RLN1: variants seen among roughly 807,000 people sequenced by gnomAD.
RLN1 encodes the protein relaxin 1, also known as prorelaxin H1.
A neutral mutation model predicts 7.2 loss-of-function variants in RLN1; 4 were observed. That is an observed-to-expected ratio of 0.56 (90% CI 0.28 to 1.28). The LOEUF (loss-of-function observed/expected upper bound fraction) is 1.28. Ranked by LOEUF, RLN1 falls within the 50% of genes most tolerant of loss-of-function variation. RLN1 has a pLI of 0.11. For missense variants in RLN1, 293 were observed against 221.1 expected (o/e 1.32, Z -2.06); for synonymous variants, 105 against 86.0 (o/e 1.22, Z -1.22).
At chr9:5,337,364 T>C (rs1470666750) in intron 1 of RLN1, among the ~76,000 whole-genome samples, 1 of 152,090 alleles carries the variant, frequency 6.6e-6, no homozygotes, top group Non-Finnish European at 1.5e-5. Flanking sequence ...TTTAAACCTG[T>C]TTTGAAATAT....
rs185585292 is a variant in RLN1 at position 5,335,902 on chromosome 9, C to G, written c.212-305G>C. ...TCCCTGACATTACTCTGTCATCTTT[C>G]TGAAGTCATGTAAGTCATTGGAAAC... On this transcript the variant is annotated intron_variant, in intron 1 of 1. Coordinates refer to ENST00000223862, the MANE Select transcript of RLN1 (RefSeq NM_006911.4). Among the ~76,000 whole-genome samples the G allele has an allele frequency of 2.8e-4, 43 of 152,088 alleles. 1 individual carries two copies. The highest frequency in any genetic ancestry group is 1.0e-3 in the African/African-American group (42 of 41,438).
At chr9:5,339,287 G>A in intron 1 of RLN1, 1 of 364,076 alleles carries the variant, frequency 2.7e-6, no homozygotes. Context: ...GAACTCTCGG[G>A]TGAAGCAGCT....
Position 5,335,703 on chromosome 9 carries a change from A to C in RLN1, c.212-106T>G. 4.4e-6 allele frequency: 3 copies of C among 682,288 alleles called. No individual in the cohort carries two copies. In the South Asian group the frequency reaches 6.0e-5, roughly 14 times the overall value. The allele number at this position is 682,288 out of a possible 1,614,324, so 42.3% of individuals were successfully genotyped here. On this transcript the variant is annotated intron_variant, in intron 1 of 1. Coordinates refer to ENST00000223862, the MANE Select transcript of RLN1 (RefSeq NM_006911.4). ...CACAAAGAAAAGAAAGCATTGCCTC[A>C]ATATAAATTAAACATTGAAACACAA...
In RLN1 at chr9:5,335,344, A is replaced by G. The variant is rs374788646; in HGVS notation, c.465T>C (p.Thr155=). 1.8e-4 allele frequency: 297 copies of G among 1,612,924 alleles called. 2 individuals are homozygous for G. Among genetic ancestry groups the G allele is most frequent in the South Asian group, 5.1e-4 (46 of 90,826 alleles). Residue 155 remains threonine (T), a synonymous_variant, in exon 2 of 2, where the codon ACT becomes ACC. Transcript: ENST00000223862. ...PSELKYLGLD[T]HSQKKRRPYV... Reference sequence around the variant, plus strand: ...AGGGTCGTCTCTTTTTTTGAGAATGAGTATCCAAGCCTAAGTATTTTAATT... The same window carrying G: ...AGGGTCGTCTCTTTTTTTGAGAATGGGTATCCAAGCCTAAGTATTTTAATT...
chr9:5,340,532 A>G (rs981514670), upstream of RLN1, among the ~76,000 whole-genome samples: 8 of 152,178 alleles, frequency 5.3e-5, no homozygotes, highest in Non-Finnish European at 8.8e-5. Context: ...ACAGAGAGAG[A>G]GAAAGAGAGA....
At chr9:5,340,128 A>T (rs1429163433), upstream of RLN1, among the ~76,000 whole-genome samples, 2 of 152,248 alleles carry the variant, frequency 1.3e-5, no homozygotes, top group African/African-American at 4.8e-5. Flanking sequence ...CAGAAATAAA[A>T]TTGAGATCGC....
In RLN1 at chr9:5,339,776, G is replaced by T. The variant is rs775691072; in HGVS notation, c.-30C>A. On this transcript the variant is annotated 5_prime_UTR_variant, in exon 1 of 2. Coordinates refer to ENST00000223862, the MANE Select transcript of RLN1 (RefSeq NM_006911.4). ...GGCCTGGTCTCTCCTGGAGGTCTGG[G>T]TGTTGCAGCCTTTCAGGACTGCGGC... is the stretch of plus-strand genomic sequence containing the variant. 2.9e-5 allele frequency: 47 copies of T among 1,610,062 alleles called. 1 individual carries two copies. Among genetic ancestry groups the T allele is most frequent in the Admixed American group, 1.3e-4 (8 of 59,948 alleles).
At chr9:5,336,459 C>T (rs897791139) in intron 1 of RLN1, among the ~76,000 whole-genome samples, 3 of 152,020 alleles carry the variant, frequency 2.0e-5, no homozygotes, top group African/African-American at 7.3e-5. Flanking sequence ...TGGGAACCTG[C>T]TGGACACCCA....
At position 5,335,581 on chromosome 9, in the gene RLN1, G is replaced by A; in HGVS notation, c.228C>T (p.Phe76=). The change falls in exon 2 of 2, where the codon TTC becomes TTT. Residue 76 remains phenylalanine (F), a synonymous_variant. Coordinates refer to ENST00000223862, the MANE Select transcript of RLN1 (RefSeq NM_006911.4). ...TTATAGTTTCTGTATCTTTGTTGATGAAGGATGGTACAATTTCTGTTAAGT... is the reference window on the plus strand; with the variant it reads ...TTATAGTTTCTGTATCTTTGTTGATAAAGGATGGTACAATTTCTGTTAAGT... ...PRPVAEIVPS[F]INKDTETIII... is the part of the protein sequence containing the mutation. 6.2e-7 allele frequency: 1 copy of A among 1,605,600 alleles called. No individual in the cohort carries two copies. The highest frequency in any genetic ancestry group is 1.7e-4 in the Middle Eastern group (1 of 6,034).
chr9:5,337,836 T>A (rs2131034928), intron 1 of RLN1, among the ~76,000 whole-genome samples: 1 of 152,108 alleles, frequency 6.6e-6, no homozygotes, highest in South Asian at 2.1e-4. Flanking sequence ...TAGCTAAATA[T>A]CTATATACAA....
At chr9:5,340,076 G>A (rs187289901), upstream of RLN1, among the ~76,000 whole-genome samples, 16 of 152,140 alleles carry the variant, frequency 1.1e-4, no homozygotes, top group East Asian at 3.1e-3. Context: ...TGTATACTTA[G>A]GTAAAGTTAT....
In RLN1 at chr9:5,335,034, T is replaced by A. The variant is rs527508549; in HGVS notation, c.*217A>T. 2.2e-6 allele frequency: 1 copy of A among 446,150 alleles called. No homozygotes were observed. The highest frequency in any genetic ancestry group is 2.0e-5 in the African/African-American group (1 of 49,676). 27.6% of individuals were successfully genotyped at this position (446,150 alleles called of 1,614,324 possible). A position where few individuals can be genotyped will look rare whatever the true frequency, so the allele number is the denominator to read the frequency against. The stretch of plus-strand genomic sequence containing the variant: ...TTAAAAAGAATCAACACAATTATAC[T>A]GTTAATAAAAAGACAAAAAGACTTC... On this transcript the variant is annotated 3_prime_UTR_variant, in exon 2 of 2. Transcript: ENST00000223862.
At chr9:5,339,957 T>A, upstream of RLN1, 1 of 598,004 alleles carries the variant, frequency 1.7e-6, no homozygotes, top group Non-Finnish European at 3.0e-6. Context: ...CAGAATTTTC[T>A]CCTTCAGCTC....
chr9:5,339,453 C>A, intron 1 of RLN1, 83 bp downstream of exon 1: 3 of 897,140 alleles, frequency 3.3e-6, no homozygotes, highest in Non-Finnish European at 5.1e-6. Context: ...GTCGGACGTG[C>A]AGGCCGCCGT....
chr9:5,335,553 T>C lies in RLN1; in HGVS notation c.256A>G (p.Ile86Val). The C allele has an allele frequency of 3.7e-6, 6 of 1,611,476 alleles. No individual in the cohort carries two copies. The Admixed American group carries it at 8.4e-5, about 23-fold the overall frequency. Residue 86 changes from isoleucine (I) to valine (V), a missense_variant, in exon 2 of 2, where the codon ATC becomes GTC. By Grantham distance (29) the Ile-to-Val change is conservative (BLOSUM62 3). Coordinates refer to ENST00000223862, the MANE Select transcript of RLN1 (RefSeq NM_006911.4). ...AAATTAGCAATGAATTCCAACATGA[T>C]AATTATAGTTTCTGTATCTTTGTTG... ...FINKDTETII[I>V]MLEFIANLPP...
intron 1 of RLN1, chr9:5,339,313 T>C: frequency 7.0e-6 from 3 of 429,898 alleles, no homozygotes; most frequent in South Asian, 6.6e-5. Flanking sequence ...TTCTCAGTGC[T>C]TTCCCTCCGT....
Position 5,339,548 on chromosome 9 carries a change from T to C in RLN1, c.199A>G (p.Arg67Gly), listed in dbSNP as rs1373258792. 3 of 1,591,836 alleles carry C rather than the reference T, an allele frequency of 1.9e-6. No individual in the cohort carries two copies. The South Asian group carries it at 3.4e-5, about 18-fold the overall frequency. The change falls in exon 1 of 2, where the codon AGA becomes GGA. Residue 67 changes from arginine to glycine, a missense_variant. Physicochemically the swap from Arg to Gly is moderately radical, Grantham distance 125. Transcript: ENST00000223862. ...CGGGAGCTCTCACCTGCCACTGGTCTAGGTGTCTGAGGAGCATCTTCCTGG... is the reference window on the plus strand; with the variant it reads ...CGGGAGCTCTCACCTGCCACTGGTCCAGGTGTCTGAGGAGCATCTTCCTGG... ...LSQEDAPQTP[R>G]PVAEIVPSFI...
At position 5,335,250 on chromosome 9, in the gene RLN1, C is replaced by T; in HGVS notation, c.*1G>A. 1.3e-6 allele frequency: 2 copies of T among 1,569,198 alleles called. No individual in the cohort carries two copies. Among genetic ancestry groups the T allele is most frequent in the East Asian group, 2.2e-5 (1 of 44,630 alleles). ...ACAAGATGTGCACAATTAGCTTCAT[C>T]TCAGCAATATTTAGCAAGAGACCTT... On this transcript the variant is annotated 3_prime_UTR_variant, in exon 2 of 2. Coordinates refer to ENST00000223862, the MANE Select transcript of RLN1 (RefSeq NM_006911.4).
At chr9:5,336,472 T>G (rs1816896310) in intron 1 of RLN1, among the ~76,000 whole-genome samples, 2 of 152,034 alleles carry the variant, frequency 1.3e-5, no homozygotes, top group Admixed American at 1.3e-4. Flanking sequence ...GACACCCAGC[T>G]GACATCTTAC....
Sources: gnomAD v4.1 joint callset for allele counts (sites outside exome capture counted in the v4.1 genomes callset) on GRCh38, gnomAD v4.1.1 for gene constraint, MANE v1.5 for transcripts, NCBI Gene and HGNC (gene_info 2026-07-23, HGNC 2026-07-21) for gene names.